The following MRAP2 variants were observed in gnomAD, a reference collection of about 807,000 sequenced individuals.
The protein encoded by MRAP2 is melanocortin-2 receptor accessory protein 2.
In MRAP2, 20 loss-of-function variants were observed where a neutral mutation model predicts 17.4. That is an observed-to-expected ratio of 1.15 (90% CI 0.81 to 1.67). The LOEUF is 1.67. MRAP2 is among the 40% of genes most tolerant of loss of function. The pLI is 0.00. For synonymous variants in MRAP2, 96 were observed against 88.4 expected, an observed-to-expected ratio of 1.09 and a Z score of -0.48; for missense variants, 238 against 240.0, an observed-to-expected ratio of 0.99 and a Z score of 0.05.
the MRAP2 span, among the ~76,000 whole-genome samples, chr6:84,118,161 C>A: frequency 2.0e-5 from 3 of 152,094 alleles, no homozygotes; most frequent in Non-Finnish European, 4.4e-5. Context: ...TAGAACTCTG[C>A]AGGCTGTAGA....
At chr6:84,066,458 C>T (rs1377009994) in intron 3 of MRAP2, among the ~76,000 whole-genome samples, 1 of 152,122 alleles carries the variant, frequency 6.6e-6, no homozygotes, top group Non-Finnish European at 1.5e-5. Flanking sequence ...ACAAACTTGA[C>T]ATTTGTTTGG....
At chr6:84,069,135 T>C (rs1320433474) in intron 3 of MRAP2, among the ~76,000 whole-genome samples, 1 of 152,010 alleles carries the variant, frequency 6.6e-6, no homozygotes, top group Non-Finnish European at 1.5e-5. Flanking sequence ...TCCAGTACTA[T>C]GTTGAAGAGG....
intron 1 of MRAP2, among the ~76,000 whole-genome samples, chr6:84,042,770 C>T (rs1366135910): frequency 6.6e-6 from 1 of 152,190 alleles, no homozygotes; most frequent in African/African-American, 2.4e-5. Flanking sequence ...GGTGGAGAAA[C>T]CACAAGAGCC....
At chr6:84,081,539 CT>C (rs1224521904) in intron 3 of MRAP2, among the ~76,000 whole-genome samples, 1 of 152,190 alleles carries the variant, frequency 6.6e-6, no homozygotes, top group Non-Finnish European at 1.5e-5. Flanking sequence ...GATTCCTTGG[CT>C]GGGCACAGTG....
intron 1 of MRAP2, chr6:84,052,917 T>G (rs1333664635): frequency 2.8e-6 from 1 of 361,828 alleles, no homozygotes; most frequent in Non-Finnish European, 3.8e-6. Context: ...CATCCCTAAA[T>G]AGTTCGTTTA....
upstream of MRAP2, chr6:84,033,719 C>A (rs1366908817): frequency 1.0e-6 from 1 of 985,098 alleles, no homozygotes; most frequent in African/African-American, 1.7e-5. Flanking sequence ...CCCGCGCCGC[C>A]TCCGCTGCGG....
At chr6:84,048,336 A>T (rs1375890648) in intron 1 of MRAP2, among the ~76,000 whole-genome samples, 1 of 152,174 alleles carries the variant, frequency 6.6e-6, no homozygotes, top group Non-Finnish European at 1.5e-5. Context: ...GTATCTCATT[A>T]TGAAGCATTT....
At chr6:84,137,646 A>G in the MRAP2 span, among the ~76,000 whole-genome samples, 13,143 of 152,164 alleles carry the variant, frequency 0.086, 1,883 homozygotes, top group African/African-American at 0.3. Context: ...TTAGTTATCC[A>G]TAGGGATCAT....
At chr6:84,113,491 A>T in the MRAP2 span, among the ~76,000 whole-genome samples, 694 of 152,298 alleles carry the variant, frequency 4.6e-3, 8 homozygotes, top group African/African-American at 0.016. Flanking sequence ...TGCACGTGAC[A>T]TGGGTCTCCT....
At chr6:84,045,833 A>G (rs1588624329) in intron 1 of MRAP2, among the ~76,000 whole-genome samples, 1 of 152,264 alleles carries the variant, frequency 6.6e-6, no homozygotes, top group Non-Finnish European at 1.5e-5. Context: ...ATGCATGTGA[A>G]CACACATACA....
the MRAP2 span, among the ~76,000 whole-genome samples, chr6:84,135,009 A>C: frequency 1.3e-5 from 2 of 152,136 alleles, no homozygotes; most frequent in African/African-American, 4.8e-5. Context: ...GCATACATAC[A>C]TACATGAACA....
At chr6:84,100,148 C>T in the MRAP2 span, among the ~76,000 whole-genome samples, 1 of 152,188 alleles carries the variant, frequency 6.6e-6, no homozygotes. Flanking sequence ...ACATGAGCCA[C>T]CATACCCAGC....
chr6:84,067,248 A>G (rs2099494976), intron 3 of MRAP2, among the ~76,000 whole-genome samples: 1 of 152,172 alleles, frequency 6.6e-6, no homozygotes, highest in Non-Finnish European at 1.5e-5. Context: ...GTGTCCCACC[A>G]TATATATCAC....
the MRAP2 span, chr6:84,126,247 T>A: frequency 2.1e-5 from 12 of 566,650 alleles, no homozygotes; most frequent in African/African-American, 1.9e-4. Context: ...ATTTATTAAA[T>A]TTTTAACAAG....
chr6:84,142,078 A>T, the MRAP2 span, among the ~76,000 whole-genome samples: 3 of 152,192 alleles, frequency 2.0e-5, no homozygotes, highest in South Asian at 6.2e-4. Context: ...AAAAAAAGGC[A>T]GCCCAGAGGG....
At chr6:84,103,812 T>A in the MRAP2 span, among the ~76,000 whole-genome samples, 2 of 152,184 alleles carry the variant, frequency 1.3e-5, no homozygotes, top group African/African-American at 4.8e-5. Flanking sequence ...TGACCATAAG[T>A]GCAGGGTACG....
Position 84,062,978 on chromosome 6 carries a change from A to C in MRAP2, c.213A>C (p.Gly71=), listed in dbSNP as rs773306591. ...FFVLTLLTKT[G]APHQDNAESS... ...TGCTGACCTTGCTGACCAAGACAGGAGCCCCACACCAAGAGTAAGTTTGGG... is the reference window on the plus strand; with the variant it reads ...TGCTGACCTTGCTGACCAAGACAGGCGCCCCACACCAAGAGTAAGTTTGGG... Residue 71 remains glycine (G), a synonymous_variant, in exon 3 of 4, where the codon GGA becomes GGC. Transcript: ENST00000257776. 3.7e-6 allele frequency: 6 copies of C among 1,614,172 alleles called. No homozygotes were observed. Among genetic ancestry groups the C allele is most frequent in the Admixed American group, 1.7e-5 (1 of 60,024 alleles).
At chr6:84,065,283 T>C (rs2099494367) in intron 3 of MRAP2, among the ~76,000 whole-genome samples, 1 of 115,524 alleles carries the variant, frequency 8.7e-6, no homozygotes, top group Admixed American at 8.2e-5. Context: ...AGACCCTGTC[T>C]CAAAAAAAAA....
At chr6:84,060,476 A>G (rs1168719778) in intron 2 of MRAP2, among the ~76,000 whole-genome samples, 1 of 152,242 alleles carries the variant, frequency 6.6e-6, no homozygotes, top group Admixed American at 6.5e-5. Context: ...GTCAATCAAC[A>G]TGATTCAATT....
Sources: gnomAD v4.1 joint callset for allele counts (sites outside exome capture counted in the v4.1 genomes callset) on GRCh38, gnomAD v4.1.1 for gene constraint, MANE v1.5 for transcripts, NCBI Gene and HGNC (gene_info 2026-07-23, HGNC 2026-07-21) for gene names.